RASSF10: variants seen among roughly 807,000 people sequenced by gnomAD.
RASSF10 encodes ras association domain-containing protein 10.
Under a neutral mutation model 41.5 loss-of-function variants are expected in RASSF10, and 22 were observed. The ratio of observed to expected loss-of-function variants is 0.53; its 90% CI spans 0.38 to 0.76. The LOEUF (loss-of-function observed/expected upper bound fraction) is 0.76. Among genes scored for constraint, RASSF10 ranks in the 30% least tolerant of loss-of-function variants. The pLI, the probability that RASSF10 is intolerant of heterozygous loss-of-function variation, is 0.00. For missense variants in RASSF10, 776 were observed against 711.8 expected (o/e 1.09, Z -1.03); for synonymous variants, 364 against 319.0 (o/e 1.14, Z -1.50).
At position 13,010,345 on chromosome 11, in the gene RASSF10, G is replaced by C. The variant is rs765428146; in HGVS notation, c.769G>C (p.Glu257Gln). 59 of 1,551,350 alleles carry C rather than the reference G, an allele frequency of 3.8e-5. No homozygotes were observed. Among genetic ancestry groups the C allele is most frequent in the Non-Finnish European group, 3.2e-5 (37 of 1,147,050 alleles). ...HELDREIDHY[E>Q]AKVHLDRMRR... ...GCTGGACCGCGAGATCGATCACTAC[G>C]AGGCCAAGGTGCACCTGGACCGCAT... is the stretch of plus-strand genomic sequence containing the variant. Residue 257 changes from glutamate to glutamine, a missense_variant, in exon 1 of 1, where the codon GAG becomes CAG. Coordinates refer to ENST00000529419, the MANE Select transcript of RASSF10 (RefSeq NM_001080521.3). The surrounding 1 kb of genome is among the most constrained non-coding windows in gnomAD (Gnocchi z 4.8).
chr11:13,010,873 C>G lies in RASSF10; in HGVS notation c.1297C>G (p.Leu433Val), dbSNP rs1042167300. The change falls in exon 1 of 1, where the codon CTG becomes GTG. Residue 433 changes from leucine to valine, a missense_variant. Leu to Val is a conservative substitution (Grantham distance 32, BLOSUM62 1). Coordinates refer to ENST00000529419, the MANE Select transcript of RASSF10 (RefSeq NM_001080521.3). The surrounding 1 kb of genome is among the most constrained non-coding windows in gnomAD (Gnocchi z 4.8). ...DSKKRELQGL[L>V]QTLHTLELTV... ...CAAGAAGCGCGAGCTACAGGGCCTTCTGCAAACTTTGCACACTTTGGAGCT... is the reference window on the plus strand; with the variant it reads ...CAAGAAGCGCGAGCTACAGGGCCTTGTGCAAACTTTGCACACTTTGGAGCT... The G allele has an allele frequency of 8.7e-6, 14 of 1,613,838 alleles. No individual in the cohort carries two copies. Among genetic ancestry groups the G allele is most frequent in the Non-Finnish European group, 1.1e-5 (13 of 1,179,884 alleles).
chr11:13,010,371 G>A lies in RASSF10; in HGVS notation c.795G>A (p.Met265Ile). ...AGGCCAAGGTGCACCTGGACCGCAT[G>A]CGGCGTCACGGGGTCAACTACGTGC... ...HYEAKVHLDR[M>I]RRHGVNYVQD... The change falls in exon 1 of 1, where the codon ATG (methionine) becomes ATA (isoleucine). Residue 265 changes from methionine to isoleucine, a missense_variant. By Grantham distance (10) the Met-to-Ile change is conservative. Coordinates refer to ENST00000529419, the MANE Select transcript of RASSF10 (RefSeq NM_001080521.3). This position sits in a 1 kb window ranked among gnomAD's most constrained non-coding sequence, Gnocchi z 4.8. 1 of 1,551,402 alleles carries A rather than the reference G, an allele frequency of 6.4e-7. No individual in the cohort carries two copies. The highest frequency in any genetic ancestry group is 8.7e-7 in the Non-Finnish European group (1 of 1,146,944).
Position 13,009,716 on chromosome 11 carries a change from G to C in RASSF10, c.140G>C (p.Arg47Pro), listed in dbSNP as rs749748710. The change falls in exon 1 of 1, where the codon CGG (arginine) becomes CCG (proline). Residue 47 changes from arginine to proline, a missense_variant. Transcript: ENST00000529419. The stretch of plus-strand genomic sequence containing the variant: ...GGCTGCCGGCGGCGACGGAGACAGC[G>C]GCGGAGCCGGCGGCTGGGGTCGGCC... ...EDGCRRRRRQ[R>P]RSRRLGSAGD... 1 of 1,585,164 alleles carries C rather than the reference G, an allele frequency of 6.3e-7. No homozygotes were observed. Among genetic ancestry groups the C allele is most frequent in the Non-Finnish European group, 8.6e-7 (1 of 1,166,288 alleles).
At position 13,011,905 on chromosome 11, in the gene RASSF10, G is replaced by T. The variant is rs1028421287; in HGVS notation, c.*805G>T. 1 of 152,290 alleles carries T rather than the reference G, an allele frequency of 6.6e-6. No homozygotes were observed. The highest frequency in any genetic ancestry group is 1.9e-4 in the East Asian group (1 of 5,188). The allele number at this position is 152,290 out of a possible 1,614,324, so 9.4% of individuals were successfully genotyped here. A position where few individuals can be genotyped will look rare whatever the true frequency, so the allele number is the denominator to read the frequency against. ...CCCTTTGGGATCTGTCCCTTCAAAGGCAGGTGAGTTGCCCTTTAATTCGTA... is the reference window on the plus strand; with the variant it reads ...CCCTTTGGGATCTGTCCCTTCAAAGTCAGGTGAGTTGCCCTTTAATTCGTA... On this transcript the variant is annotated 3_prime_UTR_variant, in exon 1 of 1. Coordinates refer to ENST00000529419, the MANE Select transcript of RASSF10 (RefSeq NM_001080521.3).
chr11:13,010,595 A>C lies in RASSF10; in HGVS notation c.1019A>C (p.Glu340Ala), dbSNP rs756761356. The change falls in exon 1 of 1, where the codon GAG becomes GCG. Residue 340 changes from glutamate (E) to alanine (A), a missense_variant. Transcript: ENST00000529419. The surrounding 1 kb of genome is among the most constrained non-coding windows in gnomAD (Gnocchi z 4.8). ...CTTCAGGAGCAACGGGTTCAGCAGG[A>C]GGAGTTGCTGGAGCGCCTTTCAGCC... is the stretch of plus-strand genomic sequence containing the variant. The part of the protein sequence containing the change: ...LRLQEQRVQQ[E>A]ELLERLSAEI... The C allele has an allele frequency of 6.3e-7, 1 of 1,577,792 alleles. No individual in the cohort carries two copies. Among genetic ancestry groups the C allele is most frequent in the Admixed American group, 1.8e-5 (1 of 54,566 alleles).
In RASSF10 at chr11:13,010,942, C is replaced by T. The variant is rs770767065; in HGVS notation, c.1366C>T (p.Arg456Trp). The change falls in exon 1 of 1, where the codon CGG (arginine) becomes TGG (tryptophan). Residue 456 changes from arginine to tryptophan, a missense_variant. Arg to Trp is a moderately radical substitution (Grantham distance 101). Coordinates refer to ENST00000529419, the MANE Select transcript of RASSF10 (RefSeq NM_001080521.3). The surrounding 1 kb of genome is among the most constrained non-coding windows in gnomAD (Gnocchi z 4.8). ...GGCTCCTGGCTCTGGCAGTCCCTCG[C>T]GGGAACCTGGGCCTCAAGCCTGCGC... Reference protein sequence around the residue: ...DGAPGSGSPSREPGPQACADM... With the variant: ...DGAPGSGSPSWEPGPQACADM... 34 of 1,613,572 alleles carry T rather than the reference C, an allele frequency of 2.1e-5. No homozygotes were observed. Among genetic ancestry groups the T allele is most frequent in the Non-Finnish European group, 2.8e-5 (33 of 1,179,872 alleles).
rs1949572913 is a variant in RASSF10 at position 13,010,776 on chromosome 11, T to C, written c.1200T>C (p.Ile400=). The change falls in exon 1 of 1, where the codon ATT becomes ATC. Residue 400 remains isoleucine (I), a synonymous_variant. Transcript: ENST00000529419. The surrounding 1 kb of genome is among the most constrained non-coding windows in gnomAD (Gnocchi z 4.8). The stretch of plus-strand genomic sequence containing the variant: ...CGCAGCTCAGTACCAGCCTTTACAT[T>C]GGGCTGCGGCTCAACACGGACCTAG... ...VRTQLSTSLY[I]GLRLNTDLEA... 6.2e-7 allele frequency: 1 copy of C among 1,610,106 alleles called. No homozygotes were observed. The highest frequency in any genetic ancestry group is 1.3e-5 in the African/African-American group (1 of 74,958).
rs758861974 is a variant in RASSF10, at chr11:13,009,931, G to A, written c.355G>A (p.Glu119Lys). The A allele has an allele frequency of 1.3e-5, 20 of 1,593,976 alleles. No individual in the cohort carries two copies. The Admixed American group carries it at 3.3e-4, about 26-fold the overall frequency. ...CTTGCGCCTCTGGGCTGCCTGGGGC[G>A]AAGAGCAAGAGAATGTGCGCTTCGT... ...RILRLWAAWG[E>K]EQENVRFVLV... Residue 119 changes from glutamate (E) to lysine (K), a missense_variant, in exon 1 of 1, where the codon GAA (glutamate) becomes AAA (lysine). Glu to Lys is a moderately conservative substitution (Grantham distance 56). Coordinates refer to ENST00000529419, the MANE Select transcript of RASSF10 (RefSeq NM_001080521.3).
Position 13,009,871 on chromosome 11 carries a change from G to A in RASSF10, c.295G>A (p.Gly99Ser), listed in dbSNP as rs1949560703. Residue 99 changes from glycine (G) to serine (S), a missense_variant, in exon 1 of 1, where the codon GGC becomes AGC. Coordinates refer to ENST00000529419, the MANE Select transcript of RASSF10 (RefSeq NM_001080521.3). ...CTATTGCATCGTGGAGAAGTGGCGC[G>A]GCTTTGAGCGCATCCTCCCCAACAA... ...QCYCIVEKWRGFERILPNKTR... is the reference protein window; with the variant it reads ...QCYCIVEKWRSFERILPNKTR... The A allele has an allele frequency of 6.2e-7, 1 of 1,605,320 alleles. No homozygotes were observed. Among genetic ancestry groups the A allele is most frequent in the Non-Finnish European group, 8.5e-7 (1 of 1,176,640 alleles).
Position 13,009,961 on chromosome 11 carries a change from G to T in RASSF10, c.385G>T (p.Val129Leu). 1 of 1,569,534 alleles carries T rather than the reference G, an allele frequency of 6.4e-7. No individual in the cohort carries two copies. The highest frequency in any genetic ancestry group is 8.6e-7 in the Non-Finnish European group (1 of 1,156,804). The change falls in exon 1 of 1, where the codon GTG (valine) becomes TTG (leucine). Residue 129 changes from valine to leucine, a missense_variant. Transcript: ENST00000529419. ...GCAAGAGAATGTGCGCTTCGTGCTAGTGCGCAGCGAGGCATCGCTGCCTAA... is the reference window on the plus strand; with the variant it reads ...GCAAGAGAATGTGCGCTTCGTGCTATTGCGCAGCGAGGCATCGCTGCCTAA... ...EEQENVRFVLVRSEASLPNAG... is the reference protein window; with the variant it reads ...EEQENVRFVLLRSEASLPNAG...
In RASSF10 at chr11:13,011,048, C is replaced by A. The variant is rs1486609490; in HGVS notation, c.1472C>A (p.Ser491Tyr). Residue 491 changes from serine to tyrosine, a missense_variant, in exon 1 of 1, where the codon TCT (serine) becomes TAT (tyrosine). Transcript: ENST00000529419. The stretch of plus-strand genomic sequence containing the variant: ...GAAGACTCGGATACGGGACTGAGCT[C>A]TATGCATAGCCAAGACTCGGACTCC... ...NDEDSDTGLS[S>Y]MHSQDSDSLP... The A allele has an allele frequency of 6.2e-7, 1 of 1,600,006 alleles. No individual in the cohort carries two copies. Among genetic ancestry groups the A allele is most frequent in the East Asian group, 2.3e-5 (1 of 44,420 alleles).
In RASSF10 at chr11:13,011,149, T is replaced by A; in HGVS notation, c.*49T>A. The stretch of plus-strand genomic sequence containing the variant: ...GCGGGAACAGGGGGATTCTTTTTTC[T>A]TGCAGAATGCAGTGGGCCAGCCGGC... On this transcript the variant is annotated 3_prime_UTR_variant, in exon 1 of 1. Coordinates refer to ENST00000529419, the MANE Select transcript of RASSF10 (RefSeq NM_001080521.3). 8.0e-7 allele frequency: 1 copy of A among 1,252,718 alleles called. No individual in the cohort carries two copies. The highest frequency in any genetic ancestry group is 1.1e-6 in the Non-Finnish European group (1 of 916,250). The allele number at this position is 1,252,718 out of a possible 1,614,324, so 77.6% of individuals were successfully genotyped here.
Position 13,010,201 on chromosome 11 carries a change from T to C in RASSF10, c.625T>C (p.Ser209Pro), listed in dbSNP as rs1243215102. 1 of 1,595,758 alleles carries C rather than the reference T, an allele frequency of 6.3e-7. No homozygotes were observed. The highest frequency in any genetic ancestry group is 1.1e-5 in the South Asian group (1 of 87,108). ...GTCCACTTCGTCGTCCACTGCCTCG[T>C]CCTGCTCTTCGTCGCCGCGGACCCA... ...CSSTSSSTAS[S>P]CSSSPRTHES... The change falls in exon 1 of 1, where the codon TCC (serine) becomes CCC (proline). Residue 209 changes from serine (S) to proline (P), a missense_variant. Physicochemically the swap from Ser to Pro is moderately conservative, Grantham distance 74. Coordinates refer to ENST00000529419, the MANE Select transcript of RASSF10 (RefSeq NM_001080521.3). This position sits in a 1 kb window ranked among gnomAD's most constrained non-coding sequence, Gnocchi z 4.8.
Position 13,009,636 on chromosome 11 carries a change from C to T in RASSF10, c.60C>T (p.Ser20=). Reference sequence around the variant, plus strand: ...TCTGCCAGGAAGAGAAGCTGGTGTCCGGCCTCTCCCGCCGCACCACTTGCT... The same window carrying T: ...TCTGCCAGGAAGAGAAGCTGGTGTCTGGCCTCTCCCGCCGCACCACTTGCT... ...VWICQEEKLV[S]GLSRRTTCSD... The change falls in exon 1 of 1, where the codon TCC becomes TCT. Residue 20 remains serine (S), a synonymous_variant. Transcript: ENST00000529419. 3 of 1,600,174 alleles carry T rather than the reference C, an allele frequency of 1.9e-6. No homozygotes were observed. The highest frequency in any genetic ancestry group is 2.6e-6 in the Non-Finnish European group (3 of 1,173,384).
rs1366611190 is a variant in RASSF10, at chr11:13,010,741, C to T, written c.1165C>T (p.Arg389Trp). The T allele has an allele frequency of 1.2e-6, 2 of 1,601,338 alleles. No homozygotes were observed. The highest frequency in any genetic ancestry group is 2.7e-5 in the African/African-American group (2 of 74,750). Residue 389 changes from arginine to tryptophan, a missense_variant, in exon 1 of 1, where the codon CGG (arginine) becomes TGG (tryptophan). Arg to Trp is a moderately radical substitution (Grantham distance 101, BLOSUM62 -3). Transcript: ENST00000529419. The surrounding 1 kb of genome is among the most constrained non-coding windows in gnomAD (Gnocchi z 4.8). ...PDGELLLEQE[R>W]VRTQLSTSLY... ...CGGCGAGCTGCTGCTGGAGCAGGAA[C>T]GGGTCAGGACGCAGCTCAGTACCAG...
In RASSF10 at chr11:13,009,568, G is replaced by A. The variant is rs778993579; in HGVS notation, c.-9G>A. 5.6e-6 allele frequency: 9 copies of A among 1,603,954 alleles called. No individual in the cohort carries two copies. Among genetic ancestry groups the A allele is most frequent in the Non-Finnish European group, 7.7e-6 (9 of 1,173,412 alleles). On this transcript the variant is annotated 5_prime_UTR_variant, in exon 1 of 1. Transcript: ENST00000529419. ...CGGCCGGACCTGCCACCTGCGCCCT[G>A]GTTGCGCCATGGATCCTTCGGAAAA... is the stretch of plus-strand genomic sequence containing the variant.
In RASSF10 at chr11:13,011,192, G is replaced by A; in HGVS notation, c.*92G>A. Reference sequence around the variant, plus strand: ...CAGCCGGCTCGCGGACTTGAAACCAGGCTGTTGCGAGCCCAGAGCTCCGGC... The same window carrying A: ...CAGCCGGCTCGCGGACTTGAAACCAAGCTGTTGCGAGCCCAGAGCTCCGGC... On this transcript the variant is annotated 3_prime_UTR_variant, in exon 1 of 1. Coordinates refer to ENST00000529419, the MANE Select transcript of RASSF10 (RefSeq NM_001080521.3). 1.8e-6 allele frequency: 2 copies of A among 1,090,108 alleles called. No individual in the cohort carries two copies. The highest frequency in any genetic ancestry group is 3.3e-5 in the South Asian group (2 of 61,028). The allele number at this position is 1,090,108 out of a possible 1,614,324, so 67.5% of individuals were successfully genotyped here.
chr11:13,011,356 T>G lies in RASSF10; in HGVS notation c.*256T>G. On this transcript the variant is annotated 3_prime_UTR_variant, in exon 1 of 1. Transcript: ENST00000529419. ...GGAGGGAGGAGGCAAGAACCCCCTA[T>G]ACTGGAAAACAAACAACCCAAGGAA... 2 of 414,622 alleles carry G rather than the reference T, an allele frequency of 4.8e-6. No homozygotes were observed. The highest frequency in any genetic ancestry group is 4.3e-6 in the Non-Finnish European group (1 of 231,206). 25.7% of individuals were successfully genotyped at this position (414,622 alleles called of 1,614,324 possible). A position where few individuals can be genotyped will look rare whatever the true frequency, so the allele number is the denominator to read the frequency against.
rs749021353 is a variant in RASSF10 at position 13,011,007 on chromosome 11, C to T, written c.1431C>T (p.Ser477=). The T allele has an allele frequency of 6.2e-6, 10 of 1,613,236 alleles. No homozygotes were observed. The highest frequency in any genetic ancestry group is 8.5e-6 in the Non-Finnish European group (10 of 1,179,796). The part of the protein sequence containing the change: ...WVDQARGLAK[S]GPGNDEDSDT... ...ACCAGGCCCGTGGACTGGCCAAGAG[C>T]GGTCCTGGCAACGACGAAGACTCGG... Residue 477 remains serine (S), a synonymous_variant, in exon 1 of 1, where the codon AGC becomes AGT. Coordinates refer to ENST00000529419, the MANE Select transcript of RASSF10 (RefSeq NM_001080521.3).
Sources: allele counts gnomAD v4.1 joint callset, GRCh38; gene constraint gnomAD v4.1.1; non-coding constraint Gnocchi (gnomAD v3.1); transcripts MANE v1.5; gene names NCBI Gene and HGNC (gene_info 2026-07-23, HGNC 2026-07-21).